CDC42SE2: variants seen among roughly 807,000 people sequenced by gnomAD.
The protein encoded by CDC42SE2 is CDC42 small effector protein 2.
Under a neutral mutation model 11.5 loss-of-function variants are expected in CDC42SE2, and 3 were observed. The observed-to-expected ratio is 0.26, with a 90% CI of 0.12 to 0.67. CDC42SE2 has a LOEUF of 0.67. Among genes scored for constraint, CDC42SE2 ranks in the 30% least tolerant of loss-of-function variants. The probability of loss-of-function intolerance (pLI) is 0.80; values close to 1 mark genes in which losing one functional copy is unlikely to be tolerated. For missense variants in CDC42SE2, 82 were observed against 106.8 expected (o/e 0.77, Z 1.02); for synonymous variants, 33 against 34.8 (o/e 0.95, Z 0.18).
the CDC42SE2 span, among the ~76,000 whole-genome samples, chr5:131,215,138 C>G: frequency 6.6e-6 from 1 of 152,154 alleles, no homozygotes. Context: ...GTCAGTTTAG[C>G]ATCACCCGGA....
chr5:131,219,058 T>C, the CDC42SE2 span, among the ~76,000 whole-genome samples: 4 of 152,260 alleles, frequency 2.6e-5, no homozygotes, highest in Admixed American at 1.3e-4. Context: ...GTCTATATTT[T>C]GATCTAAGTG....
the CDC42SE2 span, among the ~76,000 whole-genome samples, chr5:131,213,885 T>C: frequency 6.6e-6 from 1 of 152,224 alleles, no homozygotes; most frequent in Non-Finnish European, 1.5e-5. Context: ...GGCTTTTTTT[T>C]CTGCTATAAT....
intron 3 of CDC42SE2, among the ~76,000 whole-genome samples, chr5:131,366,389 G>C (rs1273439358): frequency 4.6e-5 from 7 of 152,158 alleles, no homozygotes. Context: ...AGCATTCGGC[G>C]TGAGTTCAAG....
upstream of CDC42SE2, among the ~76,000 whole-genome samples, chr5:131,242,802 C>A (rs1471532342): frequency 6.6e-6 from 1 of 152,140 alleles, no homozygotes; most frequent in Non-Finnish European, 1.5e-5. Flanking sequence ...CAGTAGTCTT[C>A]ATTTTTCTAG....
intron 2 of CDC42SE2, among the ~76,000 whole-genome samples, chr5:131,349,261 G>A (rs1286088885): frequency 1.4e-5 from 2 of 147,280 alleles, no homozygotes; most frequent in African/African-American, 5.0e-5. Context: ...ACCAGACACC[G>A]CATGTTCTCA....
chr5:131,225,202 A>T, the CDC42SE2 span, among the ~76,000 whole-genome samples: 1 of 152,194 alleles, frequency 6.6e-6, no homozygotes, highest in Non-Finnish European at 1.5e-5. Flanking sequence ...ACACTATGTA[A>T]CAACCTCTAA....
chr5:131,339,215 T>C (rs1034534848), intron 2 of CDC42SE2, among the ~76,000 whole-genome samples: 1 of 116,670 alleles, frequency 8.6e-6, no homozygotes, highest in African/African-American at 3.4e-5. Context: ...ACCACTGCAC[T>C]CCAGCGTGGT....
intron 2 of CDC42SE2, among the ~76,000 whole-genome samples, chr5:131,346,488 C>T (rs1758847831): frequency 6.6e-6 from 1 of 152,092 alleles, no homozygotes; most frequent in South Asian, 2.1e-4. Context: ...TACAGGAGTA[C>T]CCAGATTCAT....
At chr5:131,223,859 C>A in the CDC42SE2 span, among the ~76,000 whole-genome samples, 5 of 152,146 alleles carry the variant, frequency 3.3e-5, no homozygotes, top group African/African-American at 1.2e-4. Flanking sequence ...AAGGCTTTTG[C>A]CCACATGACT....
At chr5:131,367,238 G>A (rs1257330777) in intron 3 of CDC42SE2, among the ~76,000 whole-genome samples, 2 of 151,780 alleles carry the variant, frequency 1.3e-5, no homozygotes, top group African/African-American at 4.8e-5. Flanking sequence ...CAATACAGAT[G>A]ATCTGTTGGT....
intron 1 of CDC42SE2, among the ~76,000 whole-genome samples, chr5:131,247,589 A>AC (rs1427479044): frequency 1.3e-5 from 2 of 151,964 alleles, no homozygotes; most frequent in African/African-American, 4.8e-5. Context: ...ACCGCACTCC[A>AC]CCCTTGATGA....
Position 131,385,335 on chromosome 5 carries a change from A to C in CDC42SE2, c.55-208A>C, listed in dbSNP as rs76321604. Reference sequence around the variant, plus strand: ...TAGACCAAATAATCTATTAAGCTCTAAATAATAACCTGTTATTTTGCTTTA... The same window carrying C: ...TAGACCAAATAATCTATTAAGCTCTCAATAATAACCTGTTATTTTGCTTTA... On this transcript the variant is annotated intron_variant, in intron 3 of 4. Coordinates refer to ENST00000505065, the MANE Select transcript of CDC42SE2 (RefSeq NM_001375635.1). Among the ~76,000 whole-genome samples, 30 of 152,366 alleles carry C rather than the reference A, an allele frequency of 2.0e-4. No homozygotes were observed. In the East Asian group the frequency reaches 5.8e-3, roughly 29 times the overall value.
chr5:131,229,166 G>T, the CDC42SE2 span, among the ~76,000 whole-genome samples: 5 of 149,630 alleles, frequency 3.3e-5, no homozygotes, highest in Admixed American at 6.7e-5. Context: ...TACCTTATGG[G>T]GTGTGTGTGT....
chr5:131,301,614 C>T (rs1024709631), intron 1 of CDC42SE2, among the ~76,000 whole-genome samples: 21 of 151,858 alleles, frequency 1.4e-4, no homozygotes, highest in Non-Finnish European at 2.1e-4. Context: ...AAAAATTAGC[C>T]GGGCGTGGTG....
At chr5:131,300,919 G>A (rs747436429) in intron 1 of CDC42SE2, among the ~76,000 whole-genome samples, 6 of 152,082 alleles carry the variant, frequency 3.9e-5, no homozygotes, top group Non-Finnish European at 7.4e-5. Context: ...GCTATGATAT[G>A]TCAAGCATTG....
intron 3 of CDC42SE2, among the ~76,000 whole-genome samples, chr5:131,368,245 T>TC (rs1414680808): frequency 2.5e-4 from 28 of 110,054 alleles, no homozygotes; most frequent in African/African-American, 1.1e-3. Context: ...AGAGTGAGAC[T>TC]CCATCTCAAA....
At chr5:131,286,499 C>A (rs527577705) in intron 1 of CDC42SE2, among the ~76,000 whole-genome samples, 8 of 148,664 alleles carry the variant, frequency 5.4e-5, no homozygotes, top group Non-Finnish European at 1.0e-4. Context: ...GACTAGCCTT[C>A]AGAAGCCTCT....
intron 3 of CDC42SE2, among the ~76,000 whole-genome samples, chr5:131,361,501 A>G (rs553618191): frequency 5.9e-5 from 9 of 152,282 alleles, no homozygotes; most frequent in South Asian, 2.1e-4. Context: ...CCCCACGACA[A>G]TGTCTAGGGA....
intron 2 of CDC42SE2, among the ~76,000 whole-genome samples, chr5:131,348,384 A>G (rs1265331457): frequency 6.6e-6 from 1 of 152,216 alleles, no homozygotes; most frequent in Non-Finnish European, 1.5e-5. Flanking sequence ...GTGAACTCCC[A>G]TTCACACTTG....
Sources: allele counts gnomAD v4.1 joint callset (sites outside exome capture counted in the v4.1 genomes callset), GRCh38; gene constraint gnomAD v4.1.1; transcripts MANE v1.5; gene names NCBI Gene and HGNC (gene_info 2026-07-23, HGNC 2026-07-21).